The following CASP8 variants were observed in gnomAD, a reference collection of about 807,000 sequenced individuals.
CASP8 encodes caspase-8.
Under a neutral mutation model 46.3 loss-of-function variants are expected in CASP8, and 24 were observed. The observed-to-expected ratio is 0.52, with a 90% CI of 0.38 to 0.73. CASP8 has a LOEUF of 0.73. CASP8 is among the 30% of genes least tolerant of loss of function. CASP8 has a pLI of 0.00. For missense variants in CASP8, 460 were observed against 559.0 expected, an observed-to-expected ratio of 0.82 and a Z score of 1.79; for synonymous variants, 188 against 200.4, an observed-to-expected ratio of 0.94 and a Z score of 0.52.
intron 2 of CASP8, among the ~76,000 whole-genome samples, chr2:201,270,330 C>G (rs1045104126): frequency 2.6e-5 from 4 of 152,154 alleles, no homozygotes; most frequent in Non-Finnish European, 4.4e-5. Flanking sequence ...ACCCTCGAAA[C>G]CTTCCTATGA....
At chr2:201,242,576 T>C (rs1278846109) in intron 2 of CASP8, 5 of 152,138 alleles carry the variant, frequency 3.3e-5, no homozygotes, top group South Asian at 2.1e-4. Flanking sequence ...TTTCAACATA[T>C]GAATTTTAGG....
intron 7 of CASP8, 109 bp downstream of exon 7, chr2:201,277,077 A>G: frequency 1.3e-6 from 1 of 780,746 alleles, no homozygotes; most frequent in Non-Finnish European, 2.2e-6. Flanking sequence ...TTTCAAGAAA[A>G]TGGATTTAAA....
At chr2:201,239,421 CG>C (rs1946209266) in intron 2 of CASP8, among the ~76,000 whole-genome samples, 1 of 152,174 alleles carries the variant, frequency 6.6e-6, no homozygotes, top group Admixed American at 6.5e-5. Flanking sequence ...CCCTCCCGGA[CG>C]GGGCGGCTTC....
intron 5 of CASP8, among the ~76,000 whole-genome samples, chr2:201,273,242 A>C (rs1313962346): frequency 6.6e-6 from 1 of 152,036 alleles, no homozygotes; most frequent in Non-Finnish European, 1.5e-5. Flanking sequence ...TATTTTTATT[A>C]GAGATGGGGT....
intron 2 of CASP8, chr2:201,269,576 C>T: frequency 6.2e-7 from 1 of 1,613,428 alleles, no homozygotes. Flanking sequence ...CTGTACCTTT[C>T]TGGCGGAGGG....
chr2:201,240,092 T>C (rs952043369), intron 2 of CASP8, among the ~76,000 whole-genome samples: 1 of 152,206 alleles, frequency 6.6e-6, no homozygotes, highest in African/African-American at 2.4e-5. Context: ...AAGGCCTAGA[T>C]GTGAATCCCT....
rs2125516423 is a variant in CASP8, at chr2:201,286,937, T to C, written c.*343T>C. On this transcript the variant is annotated 3_prime_UTR_variant, in exon 9 of 9. Transcript: ENST00000673742. ...CCTGGCCGATGGTACTATTTAGATA[T>C]AACACTATGTTTATTTACTAATTTT... 1 of 265,862 alleles carries C rather than the reference T, an allele frequency of 3.8e-6. No homozygotes were observed. Among genetic ancestry groups the C allele is most frequent in the East Asian group, 9.2e-5 (1 of 10,918 alleles). 16.5% of individuals were successfully genotyped at this position (265,862 alleles called of 1,614,324 possible).
intron 8 of CASP8, 98 bp from the exon 9 acceptor site, chr2:201,286,357 TGAGA>T (rs1949557979): frequency 7.0e-7 from 1 of 1,420,160 alleles, no homozygotes. Context: ...ACTGATATTT[TGAGA>T]GAAAGAACTA....
At chr2:201,238,194 C>G (rs1251860533) in intron 2 of CASP8, among the ~76,000 whole-genome samples, 1 of 152,080 alleles carries the variant, frequency 6.6e-6, no homozygotes, top group East Asian at 1.9e-4. Context: ...AGGATGTTGT[C>G]AGGAAACTAA....
rs1949578171 is a variant in CASP8 at position 201,286,688 on chromosome 2, T to C, written c.*94T>C. 2.7e-6 allele frequency: 3 copies of C among 1,112,632 alleles called. No homozygotes were observed. The highest frequency in any genetic ancestry group is 3.9e-6 in the Non-Finnish European group (3 of 760,706). The allele number at this position is 1,112,632 out of a possible 1,614,324, so 68.9% of individuals were successfully genotyped here. A position where few individuals can be genotyped will look rare whatever the true frequency, so the allele number is the denominator to read the frequency against. On this transcript the variant is annotated 3_prime_UTR_variant, in exon 9 of 9. Transcript: ENST00000673742. The stretch of plus-strand genomic sequence containing the variant: ...TGGAGTGCAGTGGCGTGATCTCGGC[T>C]CACCGCAAGCTCCGCCTCCCGGGTT...
Position 201,286,687 on chromosome 2 carries a change from C to CCT in CASP8, c.*93_*94insCT. On this transcript the variant is annotated 3_prime_UTR_variant, in exon 9 of 9. Transcript: ENST00000673742. ...CTGGAGTGCAGTGGCGTGATCTCGG[C>CCT]TCACCGCAAGCTCCGCCTCCCGGGT... 8.9e-7 allele frequency: 1 copy of CCT among 1,121,076 alleles called. No individual in the cohort carries two copies. The highest frequency in any genetic ancestry group is 1.3e-5 in the South Asian group (1 of 76,248). 69.4% of individuals were successfully genotyped at this position (1,121,076 alleles called of 1,614,324 possible). A position where few individuals can be genotyped will look rare whatever the true frequency, so the allele number is the denominator to read the frequency against.
At chr2:201,276,995 TA>T in intron 7 of CASP8, 27 bp downstream of exon 7, 1 of 1,547,480 alleles carries the variant, frequency 6.5e-7, no homozygotes, top group Non-Finnish European at 8.9e-7. Context: ...AAGAGAAAAG[TA>T]AAATATTTCT....
At chr2:201,279,871 T>C (rs1054354422) in intron 7 of CASP8, among the ~76,000 whole-genome samples, 1 of 152,148 alleles carries the variant, frequency 6.6e-6, no homozygotes, top group East Asian at 1.9e-4. Context: ...AAGAATCACT[T>C]GAACCTGGGA....
intron 2 of CASP8, among the ~76,000 whole-genome samples, chr2:201,252,834 C>A (rs1175321506): frequency 1.3e-5 from 2 of 152,090 alleles, no homozygotes; most frequent in Non-Finnish European, 2.9e-5. Flanking sequence ...TTGCCTAATT[C>A]ATTTTGTAGT....
intron 2 of CASP8, among the ~76,000 whole-genome samples, chr2:201,270,201 G>T (rs1021336905): frequency 1.3e-5 from 2 of 152,192 alleles, no homozygotes; most frequent in Admixed American, 1.3e-4. Flanking sequence ...GAGCCTAAAT[G>T]TGCCAATCAC....
At chr2:201,255,758 GTTTA>G (rs1576255803), upstream of CASP8, among the ~76,000 whole-genome samples, 1 of 152,072 alleles carries the variant, frequency 6.6e-6, no homozygotes, top group African/African-American at 2.4e-5. Context: ...TTATTTATTT[GTTTA>G]TTTATTTATT....
upstream of CASP8, chr2:201,258,324 G>A: frequency 6.2e-7 from 1 of 1,614,058 alleles, no homozygotes; most frequent in South Asian, 1.1e-5. Context: ...CTGAGCACGT[G>A]GAGTTAGGCA....
At chr2:201,285,407 T>G in intron 8 of CASP8, 90 bp downstream of exon 8, 5 of 1,472,206 alleles carry the variant, frequency 3.4e-6, no homozygotes, top group Non-Finnish European at 4.7e-6. Flanking sequence ...TCAGAGCCTA[T>G]TAGAAAGTGC....
intron 1 of CASP8, among the ~76,000 whole-genome samples, chr2:201,262,543 GA>G (rs991980483): frequency 6.6e-5 from 10 of 151,452 alleles, no homozygotes; most frequent in African/African-American, 2.2e-4. Flanking sequence ...TATACATGTG[GA>G]AAAAAAATTG....
Sources: allele counts gnomAD v4.1 joint callset (sites outside exome capture counted in the v4.1 genomes callset), GRCh38; gene constraint gnomAD v4.1.1; transcripts MANE v1.5; gene names NCBI Gene and HGNC (gene_info 2026-07-23, HGNC 2026-07-21).